The following C10orf90 variants were observed in gnomAD, a reference collection of about 807,000 sequenced individuals.
C10orf90 encodes (E2-independent) E3 ubiquitin-conjugating enzyme FATS.
C10orf90 carries 56 observed loss-of-function variants against 62.5 expected under a neutral mutation model. The observed-to-expected ratio is 0.90, with a 90% CI of 0.72 to 1.12. The LOEUF (loss-of-function observed/expected upper bound fraction) is 1.12, where lower values mean the gene tolerates loss of function less well. Ranked by LOEUF, C10orf90 falls within the 50% of genes most tolerant of loss-of-function variation. The pLI, the probability that C10orf90 is intolerant of heterozygous loss-of-function variation, is 0.00. For synonymous variants in C10orf90, 386 were observed against 340.4 expected (o/e 1.13, Z -1.47); for missense variants, 970 against 880.4 (o/e 1.10, Z -1.29).
At chr10:126,511,948 G>A (rs1863129483) in intron 3 of C10orf90, 1 of 151,616 alleles carries the variant, frequency 6.6e-6, no homozygotes. Context: ...TCCCATCATT[G>A]CTACAGCTTG....
At chr10:126,500,761 G>A (rs139798954) in intron 4 of C10orf90, among the ~76,000 whole-genome samples, 11 of 152,282 alleles carry the variant, frequency 7.2e-5, no homozygotes, top group Non-Finnish European at 7.4e-5. Flanking sequence ...AGTAGAAACA[G>A]CTATTTGAAT....
In C10orf90 at chr10:126,516,409, C is replaced by A. The variant is rs1458358195; in HGVS notation, c.314-2470G>T. Among the ~76,000 whole-genome samples the A allele has an allele frequency of 2.0e-5, 3 of 152,326 alleles. No homozygotes were observed. The East Asian group carries it at 5.8e-4, about 29-fold the overall frequency. Reference sequence around the variant, plus strand: ...TGGTCAGAAAGCCACTGGAATCACACCACAGAGTCCCAGCACCTGAATCCC... The same window carrying A: ...TGGTCAGAAAGCCACTGGAATCACAACACAGAGTCCCAGCACCTGAATCCC... On this transcript the variant is annotated intron_variant, in intron 2 of 9. Transcript: ENST00000488181.
chr10:126,612,680 A>C (rs1845463158), intron 2 of C10orf90, among the ~76,000 whole-genome samples: 1 of 152,202 alleles, frequency 6.6e-6, no homozygotes, highest in Non-Finnish European at 1.5e-5. Context: ...TCAGTTCAAG[A>C]ACATGTAAGC....
Position 126,456,868 on chromosome 10 carries a change from G to A in C10orf90, c.2188+2172C>T, listed in dbSNP as rs1030479122. On this transcript the variant is annotated intron_variant, in intron 7 of 9. Coordinates refer to ENST00000488181, the MANE Select transcript of C10orf90 (RefSeq NM_001350921.2). The surrounding 1 kb of genome is among the most constrained non-coding windows in gnomAD (Gnocchi z 4.9). ...AGGAGCAGGGAGGGAGGCTGGACAC[G>A]GGATTGACCACTGAGCCTCTAGAAA... is the stretch of plus-strand genomic sequence containing the variant. 1.6e-4 allele frequency among the ~76,000 whole-genome samples: 24 copies of A among 152,196 alleles called. No individual in the cohort carries two copies. Among genetic ancestry groups the A allele is most frequent in the Admixed American group, 3.3e-4 (5 of 15,284 alleles).
At chr10:126,523,484 G>T (rs1270558254) in intron 2 of C10orf90, 2 of 141,580 alleles carry the variant, frequency 1.4e-5, no homozygotes. Flanking sequence ...TCACAGTCTT[G>T]AGGAGATGAC....
intron 2 of C10orf90, among the ~76,000 whole-genome samples, chr10:126,642,253 C>T (rs1408458867): frequency 6.6e-6 from 1 of 152,188 alleles, no homozygotes; most frequent in Admixed American, 6.5e-5. Context: ...AAAGACAAGG[C>T]TGGGTGCGGT....
At chr10:126,553,262 A>G (rs1591091769) in intron 2 of C10orf90, among the ~76,000 whole-genome samples, 2 of 152,328 alleles carry the variant, frequency 1.3e-5, no homozygotes, top group East Asian at 1.9e-4. Flanking sequence ...CAATACGTAT[A>G]TCTTATGTTC....
chr10:126,494,159 G>A (rs1199038177), intron 4 of C10orf90, among the ~76,000 whole-genome samples: 1 of 152,180 alleles, frequency 6.6e-6, no homozygotes, highest in East Asian at 1.9e-4. Flanking sequence ...AAATGGATAA[G>A]CCTCTATTTT....
intron 2 of C10orf90, among the ~76,000 whole-genome samples, chr10:126,565,921 T>C (rs1193595018): frequency 1.3e-5 from 2 of 152,210 alleles, no homozygotes; most frequent in East Asian, 3.8e-4. Flanking sequence ...ACATGATGGT[T>C]AGCCCAAATA....
intron 2 of C10orf90, among the ~76,000 whole-genome samples, chr10:126,595,245 T>C (rs1436796): frequency 0.11 from 16,848 of 152,054 alleles, 1,686 homozygotes; most frequent in African/African-American, 0.24. Context: ...GGATGTCAGG[T>C]CACATTTCAG....
intron 2 of C10orf90, among the ~76,000 whole-genome samples, chr10:126,630,051 A>T (rs1345322218): frequency 6.6e-6 from 1 of 152,234 alleles, no homozygotes; most frequent in African/African-American, 2.4e-5. Context: ...TAAAATATAG[A>T]TAATAAAAAT....
intron 2 of C10orf90, among the ~76,000 whole-genome samples, chr10:126,637,973 A>G (rs1341840580): frequency 1.3e-5 from 2 of 152,144 alleles, no homozygotes; most frequent in Non-Finnish European, 2.9e-5. Flanking sequence ...GCTGGGCCCC[A>G]AAGATGGTGA....
chr10:126,610,197 A>C (rs1304177514), intron 2 of C10orf90, among the ~76,000 whole-genome samples: 1 of 152,138 alleles, frequency 6.6e-6, no homozygotes, highest in Non-Finnish European at 1.5e-5. Flanking sequence ...TAGGGGGTTC[A>C]CCCAAGGGGA....
At chr10:126,483,623 A>C (rs375830326) in intron 4 of C10orf90, among the ~76,000 whole-genome samples, 2 of 152,228 alleles carry the variant, frequency 1.3e-5, no homozygotes, top group African/African-American at 4.8e-5. Flanking sequence ...TATTCTTATA[A>C]GGTAATCCTT....
chr10:126,602,539 G>A (rs983363868), intron 2 of C10orf90, among the ~76,000 whole-genome samples: 10 of 152,160 alleles, frequency 6.6e-5, no homozygotes, highest in Non-Finnish European at 1.2e-4. Context: ...CACAGCCTGG[G>A]CTCAGGAGCA....
intron 1 of C10orf90, among the ~76,000 whole-genome samples, chr10:126,649,478 C>T (rs1364630804): frequency 6.6e-6 from 1 of 152,082 alleles, no homozygotes; most frequent in Non-Finnish European, 1.5e-5. Context: ...TGGTCACACG[C>T]TCACCCACCA....
intron 4 of C10orf90, among the ~76,000 whole-genome samples, chr10:126,483,865 G>T (rs1861287466): frequency 6.6e-6 from 1 of 152,110 alleles, no homozygotes; most frequent in South Asian, 2.1e-4. Context: ...AATGGGTTCT[G>T]TTTGTCATTC....
intron 1 of C10orf90, among the ~76,000 whole-genome samples, chr10:126,657,587 T>A (rs1846420445): frequency 6.6e-6 from 1 of 152,006 alleles, no homozygotes; most frequent in Non-Finnish European, 1.5e-5. Flanking sequence ...TATCACCATC[T>A]TGAAAATTTT....
intron 2 of C10orf90, among the ~76,000 whole-genome samples, chr10:126,525,299 G>A (rs1209862219): frequency 6.6e-6 from 1 of 152,200 alleles, no homozygotes; most frequent in Non-Finnish European, 1.5e-5. Context: ...TGAGACCAAA[G>A]AATTTGTCAC....
Sources: gnomAD v4.1 joint callset for allele counts (sites outside exome capture counted in the v4.1 genomes callset) on GRCh38, gnomAD v4.1.1 for gene constraint, Gnocchi (gnomAD v3.1) non-coding constraint, MANE v1.5 for transcripts, NCBI Gene and HGNC (gene_info 2026-07-23, HGNC 2026-07-21) for gene names.